Variants in ANKIB1 observed in about 807,000 individuals in gnomAD.
ANKIB1 encodes ankyrin repeat and IBR domain-containing protein 1.
ANKIB1 carries 43 observed loss-of-function variants against 122.1 expected under a neutral mutation model. The ratio of observed to expected loss-of-function variants is 0.35; its 90% CI spans 0.28 to 0.45. The LOEUF (loss-of-function observed/expected upper bound fraction) is 0.45. Ranked by LOEUF, ANKIB1 falls within the 20% of genes least tolerant of loss-of-function variation. The probability of loss-of-function intolerance (pLI) is 1.00; values close to 1 mark genes in which losing one functional copy is unlikely to be tolerated. For synonymous variants in ANKIB1, 390 were observed against 442.0 expected, an observed-to-expected ratio of 0.88 and a Z score of 1.48; for missense variants, 992 against 1,329.5, an observed-to-expected ratio of 0.75 and a Z score of 3.95.
At chr7:92,385,324 G>A (rs558751145) in intron 11 of ANKIB1, among the ~76,000 whole-genome samples, 18 of 152,292 alleles carry the variant, frequency 1.2e-4, no homozygotes, top group African/African-American at 4.1e-4. Context: ...ACAGTGTGGC[G>A]ATTTCTCAAG....
Position 92,398,218 on chromosome 7 carries a change from A to C in ANKIB1, c.2539A>C (p.Ser847Arg). Residue 847 changes from serine (S) to arginine (R), a missense_variant, in exon 20 of 20, where the codon AGT becomes CGT. This residue lies in a region of ANKIB1 where 384 missense variants were observed against 412.0 expected (regional missense o/e 0.93). Transcript: ENST00000265742. ...SENQDSLQALSSLDEDDPNIL... is the reference protein window; with the variant it reads ...SENQDSLQALRSLDEDDPNIL... ...TTGCTTTCTGTTGCTTCAGGCTCTGAGTTCCTTGGATGAAGACGATCCCAA... is the reference window on the plus strand; with the variant it reads ...TTGCTTTCTGTTGCTTCAGGCTCTGCGTTCCTTGGATGAAGACGATCCCAA... 1 of 1,576,944 alleles carries C rather than the reference A, an allele frequency of 6.3e-7. No homozygotes were observed. The highest frequency in any genetic ancestry group is 8.6e-7 in the Non-Finnish European group (1 of 1,163,664).
rs1563338044 is a variant in ANKIB1 at position 92,246,105 on chromosome 7, G to A, written c.-505G>A. 3 of 284,668 alleles carry A rather than the reference G, an allele frequency of 1.1e-5. No individual in the cohort carries two copies. The highest frequency in any genetic ancestry group is 8.1e-5 in the South Asian group (3 of 36,864). The allele number at this position is 284,668 out of a possible 1,614,324, so 17.6% of individuals were successfully genotyped here. On this transcript the variant is annotated 5_prime_UTR_variant, in exon 1 of 20. Coordinates refer to ENST00000265742, the MANE Select transcript of ANKIB1 (RefSeq NM_019004.2). ...TGCCAGCGGCTGAGCCGGAGCCGGA[G>A]CCGGAGGCGGGGGAGGGGAAGAGGG...
At chr7:92,284,974 G>A (rs140223981) in intron 1 of ANKIB1, among the ~76,000 whole-genome samples, 13 of 152,216 alleles carry the variant, frequency 8.5e-5, no homozygotes, top group Non-Finnish European at 1.2e-4. Flanking sequence ...GGTATCTAGC[G>A]TAGAAGGTAA....
In ANKIB1 at chr7:92,294,874, C is replaced by G; in HGVS notation, c.-90-15C>G. On this transcript the variant is annotated splice_polypyrimidine_tract_variant and intron_variant, in intron 1 of 19. Coordinates refer to ENST00000265742, the MANE Select transcript of ANKIB1 (RefSeq NM_019004.2). ...TTGTTTTACAATCTAATTTGAATAACTTTTCCTTCATTAGAATGTGAAAGA... is the reference window on the plus strand; with the variant it reads ...TTGTTTTACAATCTAATTTGAATAAGTTTTCCTTCATTAGAATGTGAAAGA... 2 of 760,180 alleles carry G rather than the reference C, an allele frequency of 2.6e-6. No individual in the cohort carries two copies. The highest frequency in any genetic ancestry group is 4.0e-6 in the Non-Finnish European group (2 of 505,902). The allele number at this position is 760,180 out of a possible 1,614,324, so 47.1% of individuals were successfully genotyped here. A position where few individuals can be genotyped will look rare whatever the true frequency, so the allele number is the denominator to read the frequency against.
intron 2 of ANKIB1, among the ~76,000 whole-genome samples, chr7:92,298,788 A>AG (rs1802405427): frequency 4.0e-5 from 6 of 150,662 alleles, no homozygotes; most frequent in South Asian, 2.1e-4. Flanking sequence ...AAAAAAAAAA[A>AG]GCAGTTTCCC....
intron 5 of ANKIB1, among the ~76,000 whole-genome samples, chr7:92,328,853 A>T (rs191420605): frequency 9.4e-4 from 142 of 150,596 alleles, no homozygotes; most frequent in African/African-American, 3.2e-3. Flanking sequence ...TTCATTGATC[A>T]CCACTGTTAA....
At chr7:92,297,505 A>G (rs1802379812) in intron 2 of ANKIB1, among the ~76,000 whole-genome samples, 1 of 152,192 alleles carries the variant, frequency 6.6e-6, no homozygotes, top group South Asian at 2.1e-4. Context: ...AATCCTTAAT[A>G]TCTTTAAATC....
At chr7:92,332,489 A>G (rs1186586379) in intron 5 of ANKIB1, among the ~76,000 whole-genome samples, 1 of 152,224 alleles carries the variant, frequency 6.6e-6, no homozygotes, top group Non-Finnish European at 1.5e-5. Flanking sequence ...GTATTTATTA[A>G]ATGGAGTTGA....
At chr7:92,247,493 C>T (rs1450753832) in intron 1 of ANKIB1, among the ~76,000 whole-genome samples, 4 of 152,202 alleles carry the variant, frequency 2.6e-5, no homozygotes, top group Non-Finnish European at 5.9e-5. Flanking sequence ...ATCAGCCACT[C>T]ACAGATGTTA....
chr7:92,272,208 C>A (rs1325975548), intron 1 of ANKIB1, among the ~76,000 whole-genome samples: 1 of 151,682 alleles, frequency 6.6e-6, no homozygotes, highest in African/African-American at 2.4e-5. Context: ...ATTAAAAAAA[C>A]AGAACCGCAC....
At chr7:92,341,007 A>G (rs1283517301) in intron 5 of ANKIB1, among the ~76,000 whole-genome samples, 1 of 152,160 alleles carries the variant, frequency 6.6e-6, no homozygotes. Flanking sequence ...TGACAGAAGT[A>G]AAAACTGTTA....
chr7:92,336,030 A>C (rs73414049), intron 5 of ANKIB1, among the ~76,000 whole-genome samples: 5,174 of 152,126 alleles, frequency 0.034, 255 homozygotes, highest in African/African-American at 0.11. Context: ...ACTTCCCATA[A>C]AATGTAAGAA....
intron 1 of ANKIB1, among the ~76,000 whole-genome samples, chr7:92,266,302 A>G (rs1445049823): frequency 6.6e-6 from 1 of 152,234 alleles, no homozygotes. Flanking sequence ...AAAGTAATTG[A>G]AAAGGGAAAG....
At chr7:92,339,682 T>C (rs561136830) in intron 5 of ANKIB1, among the ~76,000 whole-genome samples, 2 of 152,342 alleles carry the variant, frequency 1.3e-5, no homozygotes, top group African/African-American at 2.4e-5. Flanking sequence ...TTGAAAGACA[T>C]TGCATTTTGT....
intron 1 of ANKIB1, among the ~76,000 whole-genome samples, chr7:92,265,156 T>A (rs1193676583): frequency 1.3e-5 from 2 of 152,080 alleles, no homozygotes; most frequent in African/African-American, 4.8e-5. Flanking sequence ...TTTTTTCACA[T>A]TTTGTAGAGA....
intron 2 of ANKIB1, among the ~76,000 whole-genome samples, chr7:92,304,155 T>A (rs1802508129): frequency 6.6e-6 from 1 of 152,150 alleles, no homozygotes; most frequent in Non-Finnish European, 1.5e-5. Context: ...TTATTCCATT[T>A]ATACATTTAT....
chr7:92,291,043 C>T (rs775548042), intron 1 of ANKIB1, among the ~76,000 whole-genome samples: 13 of 152,118 alleles, frequency 8.5e-5, no homozygotes, highest in African/African-American at 1.2e-4. Context: ...CCTGTAATGT[C>T]AGCACTTTGG....
chr7:92,278,670 CA>C (rs1801953266), intron 1 of ANKIB1, among the ~76,000 whole-genome samples: 1 of 152,180 alleles, frequency 6.6e-6, no homozygotes. Flanking sequence ...ACCAGAAAGA[CA>C]CATTATATTC....
At chr7:92,340,590 G>T (rs1213524093) in intron 5 of ANKIB1, among the ~76,000 whole-genome samples, 1 of 150,904 alleles carries the variant, frequency 6.6e-6, no homozygotes, top group Non-Finnish European at 1.5e-5. Flanking sequence ...TAAATCTAAG[G>T]ACAGAGAAAA....
Sources: gnomAD v4.1 joint callset for allele counts (sites outside exome capture counted in the v4.1 genomes callset) on GRCh38, gnomAD v4.1.1 for gene constraint, gnomAD v4.1.1 regional missense constraint, MANE v1.5 for transcripts, NCBI Gene and HGNC (gene_info 2026-07-23, HGNC 2026-07-21) for gene names.